The following TRPC4 variants were observed in gnomAD, a reference collection of about 807,000 sequenced individuals.
The protein encoded by TRPC4 is short transient receptor potential channel 4.
TRPC4 carries 49 observed loss-of-function variants against 99.4 expected under a neutral mutation model. The ratio of observed to expected loss-of-function variants is 0.49; its 90% CI spans 0.39 to 0.63. TRPC4 has a LOEUF of 0.63. Among genes scored for constraint, TRPC4 ranks in the 20% least tolerant of loss-of-function variants. The probability of loss-of-function intolerance (pLI) is 0.00; values close to 1 mark genes in which losing one functional copy is unlikely to be tolerated. For synonymous variants in TRPC4, 454 were observed against 425.9 expected (o/e 1.07, Z -0.81); for missense variants, 898 against 1,152.9 (o/e 0.78, Z 3.20).
chr13:37,735,367 A>G (rs759076760), intron 3 of TRPC4, among the ~76,000 whole-genome samples: 1 of 152,184 alleles, frequency 6.6e-6, no homozygotes, highest in Non-Finnish European at 1.5e-5. Context: ...CAGGAAATAT[A>G]TTGAATGGAA....
intron 2 of TRPC4, among the ~76,000 whole-genome samples, chr13:37,748,260 A>G (rs775332592): frequency 2.6e-4 from 39 of 152,152 alleles, no homozygotes; most frequent in Non-Finnish European, 5.0e-4. Flanking sequence ...AAGACAAAAC[A>G]ATGTAACTAA....
Position 37,674,283 on chromosome 13 carries a change from A to G in TRPC4, c.1319T>C (p.Val440Ala). The change falls in exon 5 of 11, where the codon GTA (valine) becomes GCA (alanine). Residue 440 changes from valine to alanine, a missense_variant. This residue lies in a region of TRPC4 where 274 missense variants were observed against 454.9 expected (regional missense o/e 0.60). Transcript: ENST00000379705. ...TGTTGCTAAATATAAGGAGTTCATTACAAAGTCCATTAGATTCCACCAATC... is the reference window on the plus strand; with the variant it reads ...TGTTGCTAAATATAAGGAGTTCATTGCAAAGTCCATTAGATTCCACCAATC... ...IHDWWNLMDF[V>A]MNSLYLATIS... is the part of the protein sequence containing the mutation. 6.2e-7 allele frequency: 1 copy of G among 1,606,394 alleles called. No individual in the cohort carries two copies. The highest frequency in any genetic ancestry group is 8.5e-7 in the Non-Finnish European group (1 of 1,177,924).
intron 1 of TRPC4, among the ~76,000 whole-genome samples, chr13:37,860,737 G>A (rs1214783442): frequency 4.0e-5 from 6 of 151,400 alleles, no homozygotes. Flanking sequence ...AGGCAGCAGG[G>A]AATGTGAATT....
intron 3 of TRPC4, among the ~76,000 whole-genome samples, chr13:37,740,117 A>C (rs2139128273): frequency 6.6e-6 from 1 of 152,274 alleles, no homozygotes; most frequent in South Asian, 2.1e-4. Context: ...GGTCCTTATG[A>C]GACAGCAAGG....
At chr13:37,764,302 T>G (rs924748135) in intron 2 of TRPC4, among the ~76,000 whole-genome samples, 6 of 151,346 alleles carry the variant, frequency 4.0e-5, no homozygotes, top group African/African-American at 1.5e-4. Flanking sequence ...TAAGTATATA[T>G]TATATACATT....
At chr13:37,706,724 C>T (rs922836819) in intron 3 of TRPC4, among the ~76,000 whole-genome samples, 3 of 150,234 alleles carry the variant, frequency 2.0e-5, no homozygotes, top group South Asian at 2.1e-4. Flanking sequence ...TGAGAACATG[C>T]GGTGTTTGGT....
At chr13:37,754,196 A>G (rs1956034922) in intron 2 of TRPC4, among the ~76,000 whole-genome samples, 1 of 152,120 alleles carries the variant, frequency 6.6e-6, no homozygotes, top group Non-Finnish European at 1.5e-5. Flanking sequence ...AACGCAGTCT[A>G]TTTTATATCT....
chr13:37,804,286 T>C (rs1351647371), intron 1 of TRPC4, among the ~76,000 whole-genome samples: 1 of 152,110 alleles, frequency 6.6e-6, no homozygotes, highest in Admixed American at 6.6e-5. Flanking sequence ...ATAACATTAT[T>C]GTAAGTACTT....
At chr13:37,642,688 A>G (rs1409273112) in intron 8 of TRPC4, among the ~76,000 whole-genome samples, 1 of 151,800 alleles carries the variant, frequency 6.6e-6, no homozygotes, top group Non-Finnish European at 1.5e-5. Flanking sequence ...TGCCAGGCAG[A>G]TTGAAGAGAA....
intron 2 of TRPC4, among the ~76,000 whole-genome samples, chr13:37,749,046 C>T (rs947751043): frequency 6.6e-6 from 1 of 152,066 alleles, no homozygotes; most frequent in Non-Finnish European, 1.5e-5. Context: ...TGGTTTCTCC[C>T]ATGCTGTTCT....
At chr13:37,802,050 T>C (rs1957420669) in intron 1 of TRPC4, among the ~76,000 whole-genome samples, 1 of 152,098 alleles carries the variant, frequency 6.6e-6, no homozygotes, top group South Asian at 2.1e-4. Flanking sequence ...TTAAAAAGCT[T>C]TGTTGAATGC....
At chr13:37,743,799 G>A (rs1370862128) in intron 3 of TRPC4, among the ~76,000 whole-genome samples, 1 of 152,292 alleles carries the variant, frequency 6.6e-6, no homozygotes, top group African/African-American at 2.4e-5. Context: ...GGCAGCTTCA[G>A]TTAATGCAAT....
At chr13:37,778,335 A>T (rs534271681) in intron 2 of TRPC4, among the ~76,000 whole-genome samples, 1 of 152,048 alleles carries the variant, frequency 6.6e-6, no homozygotes, top group African/African-American at 2.4e-5. Context: ...CTACTTTCAT[A>T]GGATAATATA....
chr13:37,774,411 C>A (rs565285753), intron 2 of TRPC4, among the ~76,000 whole-genome samples: 6 of 151,720 alleles, frequency 4.0e-5, no homozygotes, highest in Admixed American at 3.3e-4. Context: ...GATTAAAAAA[C>A]GAGTGTATAA....
chr13:37,660,994 A>G (rs1170905962), intron 6 of TRPC4, among the ~76,000 whole-genome samples: 3 of 152,124 alleles, frequency 2.0e-5, no homozygotes, highest in South Asian at 2.1e-4. Flanking sequence ...ATTGATATAT[A>G]CTTTAGTTTT....
intron 5 of TRPC4, among the ~76,000 whole-genome samples, chr13:37,668,566 A>G (rs1952728185): frequency 6.6e-6 from 1 of 152,194 alleles, no homozygotes; most frequent in Admixed American, 6.5e-5. Flanking sequence ...GATGAGTTGG[A>G]GCCAAGTCAT....
At chr13:37,729,913 G>T (rs1955189000) in intron 3 of TRPC4, among the ~76,000 whole-genome samples, 1 of 151,990 alleles carries the variant, frequency 6.6e-6, no homozygotes, top group Non-Finnish European at 1.5e-5. Context: ...TCGTAGTGAT[G>T]GTTGCACGGT....
At chr13:37,755,355 C>A (rs1330064130) in intron 2 of TRPC4, among the ~76,000 whole-genome samples, 1 of 151,928 alleles carries the variant, frequency 6.6e-6, no homozygotes, top group Non-Finnish European at 1.5e-5. Context: ...TTCCTGGGCT[C>A]AAACAATCCT....
chr13:37,685,777 G>T (rs937429782), intron 4 of TRPC4, among the ~76,000 whole-genome samples: 1 of 152,008 alleles, frequency 6.6e-6, no homozygotes. Context: ...GGCCTAAAAA[G>T]AGTTCATTTC....
Sources: gnomAD v4.1 joint callset for allele counts (sites outside exome capture counted in the v4.1 genomes callset) on GRCh38, gnomAD v4.1.1 for gene constraint, gnomAD v4.1.1 regional missense constraint, MANE v1.5 for transcripts, NCBI Gene and HGNC (gene_info 2026-07-23, HGNC 2026-07-21) for gene names.